The following CCDC184 variants were observed in gnomAD, a reference collection of about 807,000 sequenced individuals.
CCDC184 encodes coiled-coil domain containing 184.
Under a neutral mutation model 10.4 loss-of-function variants are expected in CCDC184, and 11 were observed. The observed-to-expected ratio is 1.06, with a 90% CI of 0.67 to 1.75. The LOEUF is 1.75. CCDC184 is among the 40% of genes most tolerant of loss of function. The probability of loss-of-function intolerance (pLI) is 0.00; values close to 1 mark genes in which losing one functional copy is unlikely to be tolerated. For missense variants in CCDC184, 264 were observed against 267.9 expected (o/e 0.99, Z 0.10); for synonymous variants, 102 against 116.1 (o/e 0.88, Z 0.78).
Position 48,184,327 on chromosome 12 carries a change from G to C in CCDC184, c.205G>C (p.Ala69Pro). The C allele has an allele frequency of 6.2e-7, 1 of 1,614,140 alleles. No individual in the cohort carries two copies. Among genetic ancestry groups the C allele is most frequent in the Non-Finnish European group, 8.5e-7 (1 of 1,180,020 alleles). Residue 69 changes from alanine (A) to proline (P), a missense_variant, in exon 1 of 1, where the codon GCC becomes CCC. Physicochemically the swap from Ala to Pro is conservative, Grantham distance 27. Coordinates refer to ENST00000316554, the MANE Select transcript of CCDC184 (RefSeq NM_001013635.4). ...RAMRGALDEQASHIQVLSDDV... is the reference protein window; with the variant it reads ...RAMRGALDEQPSHIQVLSDDV... ...CATGAGGGGGGCCCTGGACGAGCAG[G>C]CCTCGCACATCCAGGTGCTCTCGGA...
At position 48,184,379 on chromosome 12, in the gene CCDC184, T is replaced by C; in HGVS notation, c.257T>C (p.Ile86Thr). ...GACGTGTGCGCCAACCAGCGAGCCATCGTCTCCATGTGCCAGATTATGACC... is the reference window on the plus strand; with the variant it reads ...GACGTGTGCGCCAACCAGCGAGCCACCGTCTCCATGTGCCAGATTATGACC... Reference protein sequence around the residue: ...SDDVCANQRAIVSMCQIMTTA... With the variant: ...SDDVCANQRATVSMCQIMTTA... Residue 86 changes from isoleucine (I) to threonine (T), a missense_variant, in exon 1 of 1, where the codon ATC becomes ACC. Transcript: ENST00000316554. 1 of 1,613,654 alleles carries C rather than the reference T, an allele frequency of 6.2e-7. No homozygotes were observed. Among genetic ancestry groups the C allele is most frequent in the Non-Finnish European group, 8.5e-7 (1 of 1,179,964 alleles).
Position 48,184,280 on chromosome 12 carries a change from C to A in CCDC184, c.158C>A (p.Ala53Asp). ...GAGCACCTGAAAGCCCAGCTGCAAG[C>A]CCTGTTTGAGGACGTGAGGGCCATG... is the stretch of plus-strand genomic sequence containing the variant. ...LMEHLKAQLQ[A>D]LFEDVRAMRG... The change falls in exon 1 of 1, where the codon GCC becomes GAC. Residue 53 changes from alanine (A) to aspartate (D), a missense_variant. Transcript: ENST00000316554. 6.2e-7 allele frequency: 1 copy of A among 1,614,136 alleles called. No individual in the cohort carries two copies. Among genetic ancestry groups the A allele is most frequent in the Non-Finnish European group, 8.5e-7 (1 of 1,180,022 alleles).
chr12:48,184,726 T>G lies in CCDC184; in HGVS notation c.*19T>G. ...CCTGTGAGGGGACTCCGTGGGGCACTACCTTCCCGGGCTGTCTTTGGGTTT... is the reference window on the plus strand; with the variant it reads ...CCTGTGAGGGGACTCCGTGGGGCACGACCTTCCCGGGCTGTCTTTGGGTTT... On this transcript the variant is annotated 3_prime_UTR_variant, in exon 1 of 1. Transcript: ENST00000316554. 1 of 1,567,228 alleles carries G rather than the reference T, an allele frequency of 6.4e-7. No homozygotes were observed. Among genetic ancestry groups the G allele is most frequent in the East Asian group, 2.3e-5 (1 of 44,294 alleles).
chr12:48,184,409 C>T lies in CCDC184; in HGVS notation c.287C>T (p.Ala96Val). 6.2e-7 allele frequency: 1 copy of T among 1,612,388 alleles called. No homozygotes were observed. Residue 96 changes from alanine (A) to valine (V), a missense_variant, in exon 1 of 1, where the codon GCG (alanine) becomes GTG (valine). By Grantham distance (64) the Ala-to-Val change is moderately conservative (BLOSUM62 0). Coordinates refer to ENST00000316554, the MANE Select transcript of CCDC184 (RefSeq NM_001013635.4). ...TCCATGTGCCAGATTATGACCACTG[C>T]GCCCCGCCAGGGCGGCTTGGGCGTG... The part of the protein sequence containing the change: ...IVSMCQIMTT[A>V]PRQGGLGVVG...
In CCDC184 at chr12:48,185,081, T is replaced by C. The variant is rs1393152909; in HGVS notation, c.*374T>C. 3 of 193,944 alleles carry C rather than the reference T, an allele frequency of 1.5e-5. No individual in the cohort carries two copies. Among genetic ancestry groups the C allele is most frequent in the African/African-American group, 7.1e-5 (3 of 42,516 alleles). The allele number at this position is 193,944 out of a possible 1,614,324, so 12.0% of individuals were successfully genotyped here. On this transcript the variant is annotated 3_prime_UTR_variant, in exon 1 of 1. Transcript: ENST00000316554. ...CTGAAAAAGGACTTACCTAGGACCA[T>C]GGCAAATAATCTCTAACAATTTACC... is the stretch of plus-strand genomic sequence containing the variant.
chr12:48,184,487 C>A lies in CCDC184; in HGVS notation c.365C>A (p.Ser122Ter). The A allele has an allele frequency of 6.2e-7, 1 of 1,601,444 alleles. No individual in the cohort carries two copies. The highest frequency in any genetic ancestry group is 8.5e-7 in the Non-Finnish European group (1 of 1,178,328). ...GACCCCCAAGAGCCGGAGACTCCTT[C>A]GCCTGGGATCGGGGACAGCGGCTTG... ...QSDPQEPETPSPGIGDSGLLG... is the reference protein window; with the variant it reads ...QSDPQEPETP Residue 122 changes from serine (S) to a stop codon, truncating the protein, a stop_gained, in exon 1 of 1, where the codon TCG becomes TAG. Transcript: ENST00000316554. LOFTEE classifies it high-confidence loss of function.
chr12:48,183,898 C>G lies in CCDC184; in HGVS notation c.-225C>G, dbSNP rs1051808225. ...CAAGAGACGCCGGCTCTGGGACCCTCGCCGGGTCCTCGTCCCGCAGCCTCT... is the reference window on the plus strand; with the variant it reads ...CAAGAGACGCCGGCTCTGGGACCCTGGCCGGGTCCTCGTCCCGCAGCCTCT... On this transcript the variant is annotated 5_prime_UTR_variant, in exon 1 of 1. Transcript: ENST00000316554. 6 of 546,744 alleles carry G rather than the reference C, an allele frequency of 1.1e-5. No homozygotes were observed. Among genetic ancestry groups the G allele is most frequent in the Non-Finnish European group, 1.6e-5 (5 of 307,858 alleles). The allele number at this position is 546,744 out of a possible 1,614,324, so 33.9% of individuals were successfully genotyped here.
chr12:48,184,551 A>C lies in CCDC184; in HGVS notation c.429A>C (p.Glu143Asp), dbSNP rs1045968427. The C allele has an allele frequency of 1.9e-5, 29 of 1,548,554 alleles. No homozygotes were observed. Among genetic ancestry groups the C allele is most frequent in the Non-Finnish European group, 2.5e-5 (29 of 1,150,166 alleles). The change falls in exon 1 of 1, where the codon GAA (glutamate) becomes GAC (aspartate). Residue 143 changes from glutamate (E) to aspartate (D), a missense_variant. Glu to Asp is a conservative substitution (Grantham distance 45). Coordinates refer to ENST00000316554, the MANE Select transcript of CCDC184 (RefSeq NM_001013635.4). ...CCGAGGACGAGGAGGAAGAGGAAGA[A>C]GAGAAGGAGATGCCCAGCCCCGCCA... The part of the protein sequence containing the change: ...RDPEDEEEEE[E>D]EKEMPSPATP...
Position 48,184,053 on chromosome 12 carries a change from AC to A in CCDC184, c.-65del, listed in dbSNP as rs1951484808. 1.2e-5 allele frequency: 4 copies of A among 340,960 alleles called. No homozygotes were observed. Among genetic ancestry groups the A allele is most frequent in the African/African-American group, 5.0e-5 (1 of 19,928 alleles). The allele number at this position is 340,960 out of a possible 1,614,324, so 21.1% of individuals were successfully genotyped here. Reference sequence around the variant, plus strand: ...CCCCTCCCGGGACCTCTCCCCCTCCACCCCCTCCCCCACCCCGGAGGCCGGG... The same window carrying A: ...CCCCTCCCGGGACCTCTCCCCCTCCACCCCTCCCCCACCCCGGAGGCCGGG... On this transcript the variant is annotated 5_prime_UTR_variant, in exon 1 of 1. Transcript: ENST00000316554.
At position 48,184,467 on chromosome 12, in the gene CCDC184, C is replaced by G; in HGVS notation, c.345C>G (p.Pro115=). The G allele has an allele frequency of 6.2e-7, 1 of 1,604,478 alleles. No homozygotes were observed. Among genetic ancestry groups the G allele is most frequent in the South Asian group, 1.1e-5 (1 of 90,752 alleles). The change falls in exon 1 of 1, where the codon CCC becomes CCG. Residue 115 remains proline, a synonymous_variant. Coordinates refer to ENST00000316554, the MANE Select transcript of CCDC184 (RefSeq NM_001013635.4). Reference sequence around the variant, plus strand: ...GCAAGGGGAGCTTCCAGAGCGACCCCCAAGAGCCGGAGACTCCTTCGCCTG... The same window carrying G: ...GCAAGGGGAGCTTCCAGAGCGACCCGCAAGAGCCGGAGACTCCTTCGCCTG... ...VGGKGSFQSD[P]QEPETPSPGI... is the part of the protein sequence containing the mutation.
rs1448668962 is a variant in CCDC184, at chr12:48,184,833, G to C, written c.*126G>C. Reference sequence around the variant, plus strand: ...CAGCTGCTCTTGTGGGTCAGGCAGAGAGAGACTCCCTCGAGGAAGGATTTG... The same window carrying C: ...CAGCTGCTCTTGTGGGTCAGGCAGACAGAGACTCCCTCGAGGAAGGATTTG... On this transcript the variant is annotated 3_prime_UTR_variant, in exon 1 of 1. Coordinates refer to ENST00000316554, the MANE Select transcript of CCDC184 (RefSeq NM_001013635.4). 9.8e-6 allele frequency: 7 copies of C among 716,406 alleles called. No individual in the cohort carries two copies. Among genetic ancestry groups the C allele is most frequent in the African/African-American group, 1.8e-5 (1 of 55,996 alleles). 44.4% of individuals were successfully genotyped at this position (716,406 alleles called of 1,614,324 possible). A position where few individuals can be genotyped will look rare whatever the true frequency, so the allele number is the denominator to read the frequency against.
Position 48,184,041 on chromosome 12 carries a change from C to G in CCDC184, c.-82C>G. 8 of 871,444 alleles carry G rather than the reference C, an allele frequency of 9.2e-6. No homozygotes were observed. The highest frequency in any genetic ancestry group is 1.4e-5 in the Non-Finnish European group (8 of 584,456). 54.0% of individuals were successfully genotyped at this position (871,444 alleles called of 1,614,324 possible). A position where few individuals can be genotyped will look rare whatever the true frequency, so the allele number is the denominator to read the frequency against. On this transcript the variant is annotated 5_prime_UTR_variant, in exon 1 of 1. Transcript: ENST00000316554. ...GGCTCCCGCTAGCCCCTCCCGGGAC[C>G]TCTCCCCCTCCACCCCCTCCCCCAC...
chr12:48,184,678 C>G lies in CCDC184; in HGVS notation c.556C>G (p.Leu186Val). The change falls in exon 1 of 1, where the codon CTG becomes GTG. Residue 186 changes from leucine to valine, a missense_variant. By Grantham distance (32) the Leu-to-Val change is conservative. Coordinates refer to ENST00000316554, the MANE Select transcript of CCDC184 (RefSeq NM_001013635.4). ...CCTCGACATGCCCGACATTACCCTG[C>G]TGCAACTGGAGGGCGAGGCCTCCCT... ...EPLDMPDITL[L>V]QLEGEASL 1 of 1,603,152 alleles carries G rather than the reference C, an allele frequency of 6.2e-7. No homozygotes were observed. Among genetic ancestry groups the G allele is most frequent in the Non-Finnish European group, 8.5e-7 (1 of 1,174,226 alleles).
At position 48,185,023 on chromosome 12, in the gene CCDC184, G is replaced by T; in HGVS notation, c.*316G>T. On this transcript the variant is annotated 3_prime_UTR_variant, in exon 1 of 1. Transcript: ENST00000316554. ...CTTCCCAGACAACAGGAGAACCCGT[G>T]AATTGTGTAAATAAAATTCTGCTTT... 3.0e-6 allele frequency: 1 copy of T among 330,294 alleles called. No individual in the cohort carries two copies. The highest frequency in any genetic ancestry group is 5.8e-6 in the Non-Finnish European group (1 of 172,136). The allele number at this position is 330,294 out of a possible 1,614,324, so 20.5% of individuals were successfully genotyped here.
At position 48,183,996 on chromosome 12, in the gene CCDC184, C is replaced by G. The variant is rs1023105251; in HGVS notation, c.-127C>G. The G allele has an allele frequency of 1.5e-6, 1 of 657,990 alleles. No homozygotes were observed. Among genetic ancestry groups the G allele is most frequent in the Non-Finnish European group, 2.5e-6 (1 of 393,022 alleles). The allele number at this position is 657,990 out of a possible 1,614,324, so 40.8% of individuals were successfully genotyped here. On this transcript the variant is annotated 5_prime_UTR_variant, in exon 1 of 1. Coordinates refer to ENST00000316554, the MANE Select transcript of CCDC184 (RefSeq NM_001013635.4). ...TCTCACGTCGGCTCCCCGCCAGTCT[C>G]GGGAGCCTCCGCTTCCCTCGGCTCC... is the stretch of plus-strand genomic sequence containing the variant.
Position 48,184,199 on chromosome 12 carries a change from C to T in CCDC184, c.77C>T (p.Pro26Leu), listed in dbSNP as rs1951486032. The T allele has an allele frequency of 6.2e-7, 1 of 1,614,078 alleles. No individual in the cohort carries two copies. The highest frequency in any genetic ancestry group is 8.5e-7 in the Non-Finnish European group (1 of 1,180,012). Residue 26 changes from proline to leucine, a missense_variant, in exon 1 of 1, where the codon CCG becomes CTG. Pro to Leu is a moderately conservative substitution (Grantham distance 98). Transcript: ENST00000316554. ...GCGCCCCTGGAGGTGTCCACCGTGC[C>T]GGCAGTGGGGGACGTGATCTCCGGG... ...MPAPLEVSTV[P>L]AVGDVISGEY... is the part of the protein sequence containing the mutation.
Position 48,184,094 on chromosome 12 carries a change from G to C in CCDC184, c.-29G>C. 8.1e-7 allele frequency: 1 copy of C among 1,230,160 alleles called. No individual in the cohort carries two copies. The highest frequency in any genetic ancestry group is 1.1e-6 in the Non-Finnish European group (1 of 910,680). The allele number at this position is 1,230,160 out of a possible 1,614,324, so 76.2% of individuals were successfully genotyped here. On this transcript the variant is annotated 5_prime_UTR_variant, in exon 1 of 1. Transcript: ENST00000316554. Reference sequence around the variant, plus strand: ...CGGAGGCCGGGCTGGACGCGACCCAGAGCCTCCGCCACCCGCTTCTGCCAC... The same window carrying C: ...CGGAGGCCGGGCTGGACGCGACCCACAGCCTCCGCCACCCGCTTCTGCCAC...
rs767419070 is a variant in CCDC184 at position 48,184,654 on chromosome 12, C to G, written c.532C>G (p.Leu178Val). ...GGGGGACGGGCCACTTGTGGAGCCCCTCGACATGCCCGACATTACCCTGCT... is the reference window on the plus strand; with the variant it reads ...GGGGGACGGGCCACTTGTGGAGCCCGTCGACATGCCCGACATTACCCTGCT... ...LGGDGPLVEP[L>V]DMPDITLLQL... is the part of the protein sequence containing the mutation. Residue 178 changes from leucine to valine, a missense_variant, in exon 1 of 1, where the codon CTC becomes GTC. By Grantham distance (32) the Leu-to-Val change is conservative (BLOSUM62 1). Coordinates refer to ENST00000316554, the MANE Select transcript of CCDC184 (RefSeq NM_001013635.4). The G allele has an allele frequency of 5.5e-5, 88 of 1,596,124 alleles. No individual in the cohort carries two copies. Among genetic ancestry groups the G allele is most frequent in the Non-Finnish European group, 8.5e-7 (1 of 1,171,944 alleles).
In CCDC184 at chr12:48,184,164, C is replaced by A. The variant is rs756807270; in HGVS notation, c.42C>A (p.Gly14=). Residue 14 remains glycine, a synonymous_variant, in exon 1 of 1, where the codon GGC becomes GGA. Coordinates refer to ENST00000316554, the MANE Select transcript of CCDC184 (RefSeq NM_001013635.4). The part of the protein sequence containing the change: ...GLLEIMTKDG[G]DMPAPLEVST... ...TGGAGATCATGACCAAGGACGGCGG[C>A]GACATGCCGGCGCCCCTGGAGGTGT... 6.2e-7 allele frequency: 1 copy of A among 1,613,872 alleles called. No individual in the cohort carries two copies. Among genetic ancestry groups the A allele is most frequent in the Non-Finnish European group, 8.5e-7 (1 of 1,179,948 alleles).
Sources: gnomAD v4.1 joint callset for allele counts on GRCh38, gnomAD v4.1.1 for gene constraint, MANE v1.5 for transcripts, NCBI Gene and HGNC (gene_info 2026-07-23, HGNC 2026-07-21) for gene names.